The following CIB4 variants were observed in gnomAD, a reference collection of about 807,000 sequenced individuals.
CIB4 encodes calcium and integrin-binding family member 4.
A neutral mutation model predicts 25.8 loss-of-function variants in CIB4; 25 were observed. The observed-to-expected ratio is 0.97, with a 90% CI of 0.71 to 1.35. CIB4 has a LOEUF of 1.35. CIB4 is among the 40% of genes most tolerant of loss of function. CIB4 has a pLI of 0.00. For missense variants in CIB4, 235 were observed against 228.2 expected, an observed-to-expected ratio of 1.03 and a Z score of -0.19; for synonymous variants, 75 against 81.4, an observed-to-expected ratio of 0.92 and a Z score of 0.42.
intron 3 of CIB4, among the ~76,000 whole-genome samples, chr2:26,614,944 C>T (rs567384027): frequency 6.6e-6 from 1 of 152,298 alleles, no homozygotes; most frequent in Admixed American, 6.5e-5. Context: ...AGAGAAGTCA[C>T]GAATCATTGA....
chr2:26,600,071 C>CA lies in CIB4; in HGVS notation c.187-4755dup, dbSNP rs34881604. Among the ~76,000 whole-genome samples the CA allele has an allele frequency of 4.0e-4, 46 of 115,678 alleles. 1 individual carries two copies. Among genetic ancestry groups the CA allele is most frequent in the African/African-American group, 1.6e-3 (42 of 26,578 alleles). The allele number at this position is 115,678 out of a possible 152,430, so 75.9% of individuals were successfully genotyped here. On this transcript the variant is annotated intron_variant, in intron 3 of 6. Transcript: ENST00000288861. ...CTGGTGACAGAGCGAGACTCTGTCT[C>CA]AAAAAAAAAAAAAAAAGATATGATT...
intron 5 of CIB4, among the ~76,000 whole-genome samples, chr2:26,583,194 G>A (rs1173456797): frequency 2.0e-5 from 3 of 152,232 alleles, no homozygotes; most frequent in East Asian, 1.9e-4. Flanking sequence ...ACACACAGGG[G>A]CTCTGCACTG....
chr2:26,614,683 C>T (rs534389789), intron 3 of CIB4, among the ~76,000 whole-genome samples: 17 of 152,336 alleles, frequency 1.1e-4, no homozygotes, highest in Non-Finnish European at 2.4e-4. Flanking sequence ...CCCGTCTTGA[C>T]TCACATGCAC....
At chr2:26,634,794 C>T (rs1263689820) in intron 2 of CIB4, among the ~76,000 whole-genome samples, 3 of 152,196 alleles carry the variant, frequency 2.0e-5, no homozygotes, top group African/African-American at 7.2e-5. Context: ...GGAAGAAAGG[C>T]CCCATGGCTG....
intron 2 of CIB4, among the ~76,000 whole-genome samples, chr2:26,635,082 A>G (rs1225097250): frequency 6.6e-6 from 1 of 152,270 alleles, no homozygotes; most frequent in African/African-American, 2.4e-5. Context: ...TCTCGGGAAA[A>G]GGCTTCTTCT....
intron 3 of CIB4, among the ~76,000 whole-genome samples, chr2:26,606,717 C>T (rs1258896639): frequency 1.3e-5 from 2 of 152,066 alleles, no homozygotes; most frequent in African/African-American, 2.4e-5. Flanking sequence ...AATGCACTTC[C>T]TCTATTGTCC....
intron 3 of CIB4, among the ~76,000 whole-genome samples, chr2:26,609,902 G>A (rs1668964859): frequency 6.6e-6 from 1 of 152,206 alleles, no homozygotes; most frequent in South Asian, 2.1e-4. Context: ...GTACTTTACA[G>A]GCAGTTAGTT....
intron 4 of CIB4, among the ~76,000 whole-genome samples, 197 bp from the exon 5 acceptor site, chr2:26,584,095 G>GT (rs1180555766): frequency 6.6e-6 from 1 of 152,200 alleles, no homozygotes; most frequent in African/African-American, 2.4e-5. Context: ...ACCAATGGTA[G>GT]TAAGTATCGA....
At position 26,627,988 on chromosome 2, in the gene CIB4, G is replaced by A. The variant is rs768232384; in HGVS notation, c.186+1422C>T. 5.3e-5 allele frequency among the ~76,000 whole-genome samples: 8 copies of A among 152,126 alleles called. No homozygotes were observed. Among genetic ancestry groups the A allele is most frequent in the Non-Finnish European group, 1.0e-4 (7 of 68,028 alleles). On this transcript the variant is annotated intron_variant, in intron 3 of 6. Transcript: ENST00000288861. This position sits in a 1 kb window ranked among gnomAD's most constrained non-coding sequence, Gnocchi z 4.0. ...TGGTATCCCCAGGCCTCTTCCAAGT[G>A]GTGGCCACAGTTCTCAGAGCCCAGT...
At chr2:26,593,504 C>A (rs950714096) in intron 4 of CIB4, among the ~76,000 whole-genome samples, 12 of 151,538 alleles carry the variant, frequency 7.9e-5, no homozygotes, top group Non-Finnish European at 1.5e-4. Context: ...TGTTTCTCTG[C>A]AGAATCCTGA....
intron 2 of CIB4, among the ~76,000 whole-genome samples, chr2:26,632,197 G>A (rs1349228707): frequency 1.3e-5 from 2 of 152,348 alleles, no homozygotes; most frequent in East Asian, 1.9e-4. Context: ...GCATTGTGCA[G>A]ATCCAGGCTA....
At chr2:26,583,423 T>C (rs1368087105) in intron 5 of CIB4, among the ~76,000 whole-genome samples, 1 of 152,020 alleles carries the variant, frequency 6.6e-6, no homozygotes, top group East Asian at 1.9e-4. Context: ...GAGGGGATGT[T>C]GAGATGGGTC....
At chr2:26,605,233 A>G (rs1216941199) in intron 3 of CIB4, among the ~76,000 whole-genome samples, 1 of 152,214 alleles carries the variant, frequency 6.6e-6, no homozygotes, top group East Asian at 1.9e-4. Flanking sequence ...AGTGAAAGCA[A>G]TGTATACATG....
chr2:26,615,993 C>T (rs1012681570), intron 3 of CIB4, among the ~76,000 whole-genome samples: 6 of 152,238 alleles, frequency 3.9e-5, no homozygotes, highest in African/African-American at 1.4e-4. Flanking sequence ...GGGACCCTCC[C>T]ACCAGCGCTG....
At position 26,584,481 on chromosome 2, in the gene CIB4, A is replaced by AG. The variant is rs201355937; in HGVS notation, c.329-584dup. Among the ~76,000 whole-genome samples the AG allele has an allele frequency of 5.1e-3, 776 of 152,316 alleles. 5 individuals are homozygous for AG. The highest frequency in any genetic ancestry group is 0.021 in the East Asian group (110 of 5,180). On this transcript the variant is annotated intron_variant, in intron 4 of 6. Coordinates refer to ENST00000288861, the MANE Select transcript of CIB4 (RefSeq NM_001029881.3). ...GCATGTGCCCTCACCTCTGCAGTGA[A>AG]GGGGGACAATGGTCCTTGTAGACTG...
At position 26,641,246 on chromosome 2, in the gene CIB4, G is replaced by A; in HGVS notation, c.54+15C>T. On this transcript the variant is annotated intron_variant, in intron 1 of 6. Transcript: ENST00000288861. Reference sequence around the variant, plus strand: ...CTCCCACCTCTGCCCAGAGTCCCTAGCCCGATCTACCCACCTGGTACTCTT... The same window carrying A: ...CTCCCACCTCTGCCCAGAGTCCCTAACCCGATCTACCCACCTGGTACTCTT... 1 of 1,607,922 alleles carries A rather than the reference G, an allele frequency of 6.2e-7. No homozygotes were observed. Among genetic ancestry groups the A allele is most frequent in the Non-Finnish European group, 8.5e-7 (1 of 1,174,690 alleles).
At chr2:26,641,124 T>C in intron 1 of CIB4, 137 bp downstream of exon 1, 2 of 744,252 alleles carry the variant, frequency 2.7e-6, no homozygotes, top group Middle Eastern at 2.4e-4. Context: ...CCCAAGACAA[T>C]TCTTCTTCCA....
At chr2:26,589,020 CT>C (rs1572540041) in intron 4 of CIB4, among the ~76,000 whole-genome samples, 1 of 27,872 alleles carries the variant, frequency 3.6e-5, no homozygotes, top group East Asian at 1.0e-3. Flanking sequence ...TCTTCTTCTT[CT>C]TCTTCTTCTT....
intron 4 of CIB4, among the ~76,000 whole-genome samples, chr2:26,593,475 A>G (rs1668626790): frequency 6.6e-6 from 1 of 152,178 alleles, no homozygotes; most frequent in South Asian, 2.1e-4. Context: ...ATATACACAT[A>G]TAAATAGCCT....
Sources: allele counts gnomAD v4.1 joint callset (sites outside exome capture counted in the v4.1 genomes callset), GRCh38; gene constraint gnomAD v4.1.1; non-coding constraint Gnocchi (gnomAD v3.1); transcripts MANE v1.5; gene names NCBI Gene and HGNC (gene_info 2026-07-23, HGNC 2026-07-21).